Variants in FHAD1 observed in about 807,000 individuals in gnomAD.
The protein encoded by FHAD1 is forkhead associated phosphopeptide binding domain 1, also known as forkhead-associated domain-containing protein 1.
Under a neutral mutation model 191.3 loss-of-function variants are expected in FHAD1, and 146 were observed. That is an observed-to-expected ratio of 0.76 (90% CI 0.67 to 0.88). The LOEUF (loss-of-function observed/expected upper bound fraction) is 0.88. FHAD1 is among the 40% of genes least tolerant of loss of function. The pLI is 0.00. For synonymous variants in FHAD1, 616 were observed against 672.3 expected, an observed-to-expected ratio of 0.92 and a Z score of 1.29; for missense variants, 1,635 against 1,785.8, an observed-to-expected ratio of 0.92 and a Z score of 1.52.
chr1:15,326,804 CAT>C (rs372100021), intron 11 of FHAD1: 92 of 342,462 alleles, frequency 2.7e-4, no homozygotes, highest in East Asian at 9.4e-4. Flanking sequence ...GGGTTTGAGA[CAT>C]GTGTGTGCAC....
chr1:15,293,173 C>G (rs1332358883), intron 4 of FHAD1, among the ~76,000 whole-genome samples: 1 of 152,258 alleles, frequency 6.6e-6, no homozygotes, highest in Non-Finnish European at 1.5e-5. Flanking sequence ...CAATTGTATA[C>G]ACTTGTGTAA....
downstream of FHAD1, among the ~76,000 whole-genome samples, chr1:15,399,572 A>G (rs563036395): frequency 1.4e-4 from 22 of 152,346 alleles, no homozygotes; most frequent in South Asian, 4.3e-3. Context: ...TCTCAAAAAA[A>G]AAATAAAGTC....
At chr1:15,295,545 C>T (rs761969404) in intron 4 of FHAD1, among the ~76,000 whole-genome samples, 1 of 152,158 alleles carries the variant, frequency 6.6e-6, no homozygotes, top group African/African-American at 2.4e-5. Flanking sequence ...GAGGTCAAGG[C>T]TGCAGTGATC....
chr1:15,251,993 A>G (rs1646837852), intron 2 of FHAD1, 116 bp downstream of exon 2: 1 of 842,110 alleles, frequency 1.2e-6, no homozygotes, highest in African/African-American at 1.7e-5. Flanking sequence ...CTGGGCAAGC[A>G]GCCATACCTT....
At chr1:15,378,773 T>A (rs1700226110) in intron 28 of FHAD1, among the ~76,000 whole-genome samples, 2 of 152,220 alleles carry the variant, frequency 1.3e-5, no homozygotes, top group Non-Finnish European at 2.9e-5. Context: ...TTGTTTTTTT[T>A]AATCTCCCAG....
intron 28 of FHAD1, among the ~76,000 whole-genome samples, chr1:15,377,352 C>T (rs1181801196): frequency 2.6e-5 from 4 of 152,022 alleles, no homozygotes; most frequent in Non-Finnish European, 5.9e-5. Context: ...AGTTTGATTC[C>T]CAGCCTGACC....
intron 16 of FHAD1, 151 bp downstream of exon 16, chr1:15,342,039 G>T: frequency 1.6e-6 from 1 of 625,498 alleles, no homozygotes; most frequent in Non-Finnish European, 2.6e-6. Flanking sequence ...TGAATAATTG[G>T]GGAGGATTTA....
At chr1:15,361,083 A>G (rs915132105) in intron 22 of FHAD1, among the ~76,000 whole-genome samples, 2 of 152,168 alleles carry the variant, frequency 1.3e-5, no homozygotes, top group Non-Finnish European at 1.5e-5. Flanking sequence ...TCACTAATGC[A>G]CTCATTACCA....
chr1:15,308,777 A>C lies in FHAD1; in HGVS notation c.1039+41A>C, dbSNP rs1322920908. The C allele has an allele frequency of 2.6e-6, 4 of 1,550,252 alleles. 1 individual carries two copies. In the African/African-American group the frequency reaches 5.5e-5, roughly 21 times the overall value. ...CGGGCCTGGGAGCTGCCACTCCCGC[A>C]CCCGTTGTTCTTGGCCACAGCAGAC... is the stretch of plus-strand genomic sequence containing the variant. On this transcript the variant is annotated intron_variant, in intron 7 of 33. Coordinates refer to ENST00000688493, the MANE Select transcript of FHAD1 (RefSeq NM_001391957.1).
intron 33 of FHAD1, among the ~76,000 whole-genome samples, chr1:15,394,537 A>T (rs960713502): frequency 6.6e-6 from 1 of 152,158 alleles, no homozygotes; most frequent in African/African-American, 2.4e-5. Flanking sequence ...ACAATCTTGA[A>T]TGCAGAGTCT....
intron 3 of FHAD1, among the ~76,000 whole-genome samples, chr1:15,282,451 C>G (rs55699571): frequency 1.3e-5 from 2 of 152,186 alleles, no homozygotes; most frequent in African/African-American, 4.8e-5. Context: ...TTGCCAAACT[C>G]TTGTATCCCT....
In FHAD1 at chr1:15,289,577, C is replaced by A. The variant is rs778250154; in HGVS notation, c.479C>A (p.Pro160Gln). The change falls in exon 4 of 34, where the codon CCG (proline) becomes CAG (glutamine). Residue 160 changes from proline (P) to glutamine (Q), a missense_variant. By Grantham distance (76) the Pro-to-Gln change is moderately conservative. Transcript: ENST00000688493. This position sits in a 1 kb window ranked among gnomAD's most constrained non-coding sequence, Gnocchi z 4.2. ...QAFPRPTVVLPASHRRPVSAN... is the reference protein window; with the variant it reads ...QAFPRPTVVLQASHRRPVSAN... ...TTTCCCAGACCCACCGTGGTCCTGC[C>A]GGCCTCCCACAGGCGGCCTGTGAGC... 2 of 1,551,756 alleles carry A rather than the reference C, an allele frequency of 1.3e-6. No homozygotes were observed. The highest frequency in any genetic ancestry group is 2.4e-5 in the South Asian group (2 of 84,044).
At chr1:15,288,449 T>C (rs1204121251) in intron 3 of FHAD1, among the ~76,000 whole-genome samples, 1 of 152,208 alleles carries the variant, frequency 6.6e-6, no homozygotes, top group Non-Finnish European at 1.5e-5. Flanking sequence ...GCTGTGCTGG[T>C]GTGGAAAAGC....
intron 10 of FHAD1, among the ~76,000 whole-genome samples, chr1:15,321,387 G>A (rs1337971067): frequency 6.6e-6 from 1 of 152,084 alleles, no homozygotes; most frequent in Non-Finnish European, 1.5e-5. Context: ...TATTTTAGTG[G>A]TTATTCTAAA....
rs1401691153 is a variant in FHAD1, at chr1:15,367,621, A to G, written c.3313A>G (p.Arg1105Gly). The G allele has an allele frequency of 8.5e-6, 4 of 472,778 alleles. No homozygotes were observed. The highest frequency in any genetic ancestry group is 3.6e-5 in the South Asian group (2 of 55,780). 29.3% of individuals were successfully genotyped at this position (472,778 alleles called of 1,614,324 possible). The change falls in exon 25 of 34, where the codon AGG (arginine) becomes GGG (glycine). Residue 1105 changes from arginine to glycine, a missense_variant and splice_region_variant. Transcript: ENST00000688493. ...RELKALEEAL[R>G]ASQEKHRLQL... ...GCTGAAGGCCCTTGAGGAGGCACTCAGGTTGGGTGGGCGGGGGCCGGGTTG... is the reference window on the plus strand; with the variant it reads ...GCTGAAGGCCCTTGAGGAGGCACTCGGGTTGGGTGGGCGGGGGCCGGGTTG...
At chr1:15,398,586 G>A (rs1002322626), downstream of FHAD1, among the ~76,000 whole-genome samples, 11 of 152,036 alleles carry the variant, frequency 7.2e-5, no homozygotes, top group Non-Finnish European at 1.3e-4. Context: ...AGATGGCCTA[G>A]TTGTTACAGT....
intron 16 of FHAD1, among the ~76,000 whole-genome samples, chr1:15,344,641 T>G (rs996356972): frequency 6.6e-6 from 1 of 152,162 alleles, no homozygotes; most frequent in African/African-American, 2.4e-5. Context: ...GGCTTCAGAA[T>G]CAAATGGGTC....
intron 6 of FHAD1, 82 bp downstream of exon 6, chr1:15,301,523 C>A: frequency 1.6e-6 from 2 of 1,244,586 alleles, no homozygotes; most frequent in South Asian, 2.8e-5. Flanking sequence ...GGTGAGCCAC[C>A]CAGAGTTAGG....
In FHAD1 at chr1:15,311,972, C is replaced by T. The variant is rs1175431363; in HGVS notation, c.1040-1085C>T. On this transcript the variant is annotated intron_variant, in intron 7 of 33. Transcript: ENST00000688493. This position sits in a 1 kb window ranked among gnomAD's most constrained non-coding sequence, Gnocchi z 4.1. ...GGATCCCCTTCTGGAATGACTCGCT[C>T]ACATGGCTGTTGGCTGGAGGCCTCA... 2 of 152,292 alleles carry T rather than the reference C, an allele frequency of 1.3e-5. No homozygotes were observed. Among genetic ancestry groups the T allele is most frequent in the Non-Finnish European group, 2.9e-5 (2 of 68,084 alleles). 9.4% of individuals were successfully genotyped at this position (152,292 alleles called of 1,614,324 possible). A position where few individuals can be genotyped will look rare whatever the true frequency, so the allele number is the denominator to read the frequency against.
Sources: allele counts gnomAD v4.1 joint callset (sites outside exome capture counted in the v4.1 genomes callset), GRCh38; gene constraint gnomAD v4.1.1; non-coding constraint Gnocchi (gnomAD v3.1); transcripts MANE v1.5; gene names NCBI Gene and HGNC (gene_info 2026-07-23, HGNC 2026-07-21).